The following CADM2 variants were observed in gnomAD, a reference collection of about 807,000 sequenced individuals.
CADM2 encodes cell adhesion molecule 2.
In CADM2, 12 loss-of-function variants were observed where a neutral mutation model predicts 49.8. The observed-to-expected ratio is 0.24, with a 90% CI of 0.15 to 0.39. CADM2 has a LOEUF of 0.39. Ranked by LOEUF, CADM2 falls within the 10% of genes least tolerant of loss-of-function variation. CADM2 has a pLI of 1.00. For missense variants in CADM2, 378 were observed against 492.3 expected (o/e 0.77, Z 2.20); for synonymous variants, 214 against 175.4 (o/e 1.22, Z -1.74).
intron 1 of CADM2, among the ~76,000 whole-genome samples, chr3:85,465,077 A>G (rs1397139768): frequency 6.6e-6 from 1 of 152,130 alleles, no homozygotes; most frequent in Non-Finnish European, 1.5e-5. Flanking sequence ...GGAACCCAGG[A>G]GGGCAGAGGT....
At chr3:85,483,983 T>C (rs910974075) in intron 1 of CADM2, among the ~76,000 whole-genome samples, 14 of 151,810 alleles carry the variant, frequency 9.2e-5, no homozygotes, top group African/African-American at 3.1e-4. Context: ...TTTTTGCTTT[T>C]AAGCTATTCA....
At chr3:85,144,154 A>T (rs1463941355) in intron 1 of CADM2, among the ~76,000 whole-genome samples, 1 of 151,860 alleles carries the variant, frequency 6.6e-6, no homozygotes, top group Non-Finnish European at 1.5e-5. Flanking sequence ...TTTCCAGACC[A>T]TACTCCTGAC....
intron 1 of CADM2, among the ~76,000 whole-genome samples, chr3:85,572,875 T>A (rs1051706095): frequency 2.0e-5 from 3 of 152,174 alleles, no homozygotes; most frequent in Non-Finnish European, 4.4e-5. Context: ...CAGACTTACC[T>A]TTATCTCCTC....
chr3:85,707,478 C>T (rs1033152335), intron 1 of CADM2, among the ~76,000 whole-genome samples: 1 of 142,318 alleles, frequency 7.0e-6, no homozygotes, highest in East Asian at 2.1e-4. Flanking sequence ...AAATTACTAT[C>T]TCATTATATG....
At chr3:85,874,294 T>C (rs1711521409) in intron 3 of CADM2, among the ~76,000 whole-genome samples, 1 of 152,178 alleles carries the variant, frequency 6.6e-6, no homozygotes, top group South Asian at 2.1e-4. Context: ...CCTTCCTGTG[T>C]TGTAAATGCC....
intron 1 of CADM2, among the ~76,000 whole-genome samples, chr3:85,588,334 G>T (rs934794323): frequency 1.3e-4 from 20 of 152,038 alleles, no homozygotes; most frequent in African/African-American, 4.6e-4. Context: ...ATGTAGAGAT[G>T]ATGTCTAAAA....
intron 1 of CADM2, among the ~76,000 whole-genome samples, chr3:85,651,996 T>TTTTTTTTTTTTTTTA (rs2065056400): frequency 6.7e-6 from 1 of 149,034 alleles, no homozygotes; most frequent in African/African-American, 2.5e-5. Context: ...TTTTTTTTTT[T>TTTTTTTTTTTTTTTA]TAATTAGAGA....
intron 1 of CADM2, among the ~76,000 whole-genome samples, chr3:85,657,410 C>G (rs1446399231): frequency 6.6e-6 from 1 of 151,982 alleles, no homozygotes; most frequent in Non-Finnish European, 1.5e-5. Flanking sequence ...TGTTAGTTCT[C>G]ATAATATTCA....
intron 1 of CADM2, among the ~76,000 whole-genome samples, chr3:85,550,592 G>C (rs1413864771): frequency 1.3e-5 from 2 of 152,094 alleles, no homozygotes; most frequent in African/African-American, 4.8e-5. Context: ...TGGTAAATTA[G>C]CTCACCACAA....
Position 85,852,439 on chromosome 3 carries a change from GGA to G in CADM2, c.239-30851_239-30850del, listed in dbSNP as rs373928871. Among the ~76,000 whole-genome samples, 39 of 152,086 alleles carry G rather than the reference GGA, an allele frequency of 2.6e-4. No individual in the cohort carries two copies. The East Asian group carries it at 5.2e-3, about 20-fold the overall frequency. On this transcript the variant is annotated intron_variant, in intron 3 of 9. Transcript: ENST00000383699. ...CCTTTAAGATGTGTAACACTCTAGTGGACATTAAATAAATACTCATTGATTCA... is the reference window on the plus strand; with the variant it reads ...CCTTTAAGATGTGTAACACTCTAGTGCATTAAATAAATACTCATTGATTCA...
intron 3 of CADM2, among the ~76,000 whole-genome samples, chr3:85,875,119 G>T (rs1466450642): frequency 6.6e-6 from 1 of 152,226 alleles, no homozygotes; most frequent in African/African-American, 2.4e-5. Context: ...CTGGAGCAAT[G>T]GTTGTCTTTA....
chr3:84,989,610 T>G (rs2032770882), intron 1 of CADM2, among the ~76,000 whole-genome samples: 1 of 152,128 alleles, frequency 6.6e-6, no homozygotes, highest in African/African-American at 2.4e-5. Context: ...TATGACCTTT[T>G]TAGTTGTATG....
rs1728101791 is a variant in CADM2, at chr3:85,986,288, A to ATGGAAT, written c.970+24641_970+24642insTGGAAT. The stretch of plus-strand genomic sequence containing the variant: ...GAAAAAGCATTCCAGTACTGAGGGA[A>ATGGAAT]AAAAATGAATGGAATAAAATCATTA... On this transcript the variant is annotated intron_variant, in intron 8 of 9. Coordinates refer to ENST00000383699, the MANE Select transcript of CADM2 (RefSeq NM_001167675.2). 2.6e-5 allele frequency among the ~76,000 whole-genome samples: 4 copies of ATGGAAT among 152,218 alleles called. No homozygotes were observed. In the South Asian group the frequency reaches 8.3e-4, roughly 32 times the overall value.
In CADM2 at chr3:85,085,062, T is replaced by A. The variant is rs184879301; in HGVS notation, c.61+125394T>A. Among the ~76,000 whole-genome samples the A allele has an allele frequency of 6.6e-5, 10 of 152,288 alleles. No individual in the cohort carries two copies. The East Asian group carries it at 1.7e-3, about 26-fold the overall frequency. On this transcript the variant is annotated intron_variant, in intron 1 of 9. Coordinates refer to ENST00000383699, the MANE Select transcript of CADM2 (RefSeq NM_001167675.2). ...ATATTCATCACCTCACATACTAATT[T>A]TTTTTATGGTGAGAATATTTAAATT...
intron 8 of CADM2, among the ~76,000 whole-genome samples, chr3:85,980,521 G>A (rs1241377601): frequency 6.6e-6 from 1 of 151,492 alleles, no homozygotes; most frequent in Non-Finnish European, 1.5e-5. Context: ...CTCAGAAATA[G>A]CTAGGTATGT....
At chr3:85,404,977 G>A (rs924423676) in intron 1 of CADM2, among the ~76,000 whole-genome samples, 27 of 152,056 alleles carry the variant, frequency 1.8e-4, no homozygotes, top group African/African-American at 6.5e-4. Flanking sequence ...AGATATATTG[G>A]ATGTGTTAAA....
At chr3:85,423,296 G>A (rs979823177) in intron 1 of CADM2, among the ~76,000 whole-genome samples, 1 of 152,018 alleles carries the variant, frequency 6.6e-6, no homozygotes, top group African/African-American at 2.4e-5. Flanking sequence ...GCAGGGGAGG[G>A]GTGGTGGTGC....
At chr3:85,220,807 G>GA (rs35283437) in intron 1 of CADM2, among the ~76,000 whole-genome samples, 56 of 148,920 alleles carry the variant, frequency 3.8e-4, no homozygotes, top group East Asian at 1.8e-3. Flanking sequence ...TGGTTGCTTA[G>GA]AAAAAAAAAA....
At chr3:85,271,970 A>G (rs1445923681) in intron 1 of CADM2, among the ~76,000 whole-genome samples, 1 of 151,212 alleles carries the variant, frequency 6.6e-6, no homozygotes, top group East Asian at 1.9e-4. Context: ...TCTGAAACAA[A>G]CAATATCTCA....
Sources: allele counts gnomAD v4.1 joint callset (sites outside exome capture counted in the v4.1 genomes callset), GRCh38; gene constraint gnomAD v4.1.1; transcripts MANE v1.5; gene names NCBI Gene and HGNC (gene_info 2026-07-23, HGNC 2026-07-21).